QTGAL: variants seen among roughly 807,000 people sequenced by gnomAD.
QTGAL encodes the protein queuosine-tRNA galactosyltransferase.
the QTGAL span, among the ~76,000 whole-genome samples, chr17:82,997,585 A>G: frequency 6.6e-6 from 1 of 152,238 alleles, no homozygotes; most frequent in Non-Finnish European, 1.5e-5. Context: ...GCCTGCACTC[A>G]CGTATTCACT....
chr17:83,020,751 A>C, the QTGAL span, among the ~76,000 whole-genome samples: 1 of 152,194 alleles, frequency 6.6e-6, no homozygotes, highest in Non-Finnish European at 1.5e-5. Flanking sequence ...CCACGGCCGC[A>C]TGGCACTCCT....
At chr17:83,044,738 G>GT in the QTGAL span, among the ~76,000 whole-genome samples, 4 of 152,232 alleles carry the variant, frequency 2.6e-5, no homozygotes, top group Non-Finnish European at 5.9e-5. Context: ...GAGGTCAGGA[G>GT]TTTGAGACCA....
the QTGAL span, among the ~76,000 whole-genome samples, chr17:83,046,209 A>T: frequency 6.7e-6 from 1 of 148,594 alleles, no homozygotes; most frequent in Non-Finnish European, 1.5e-5. Context: ...GGCTCACTGC[A>T]ACCTCTGCCT....
the QTGAL span, chr17:83,030,949 A>C: frequency 1.3e-5 from 2 of 152,296 alleles, no homozygotes; most frequent in African/African-American, 4.8e-5. Flanking sequence ...AGAAGTAAGC[A>C]GCGCTCTCAC....
chr17:83,035,382 T>C, the QTGAL span, among the ~76,000 whole-genome samples: 1 of 152,108 alleles, frequency 6.6e-6, no homozygotes, highest in African/African-American at 2.4e-5. Context: ...TTGGTCAGGC[T>C]GGTCTCGAAC....
the QTGAL span, among the ~76,000 whole-genome samples, chr17:82,970,679 G>A: frequency 2.0e-5 from 3 of 147,836 alleles, no homozygotes; most frequent in Non-Finnish European, 3.0e-5. Flanking sequence ...CAGCGTGGCC[G>A]TGATGCGAGG....
At chr17:83,042,467 GTTAA>G in the QTGAL span, among the ~76,000 whole-genome samples, 37 of 152,312 alleles carry the variant, frequency 2.4e-4, no homozygotes, top group African/African-American at 8.7e-4. Context: ...GAAGCTAAGT[GTTAA>G]TTCAAACTAC....
At chr17:83,040,555 C>G in the QTGAL span, among the ~76,000 whole-genome samples, 1 of 152,156 alleles carries the variant, frequency 6.6e-6, no homozygotes, top group Non-Finnish European at 1.5e-5. Context: ...AAAGAAAAAT[C>G]TTAAATACTT....
the QTGAL span, among the ~76,000 whole-genome samples, chr17:83,034,672 G>A: frequency 6.6e-6 from 1 of 152,198 alleles, no homozygotes; most frequent in Non-Finnish European, 1.5e-5. Context: ...GGAGGCCACT[G>A]AATCACGGGG....
chr17:82,985,104 C>T, the QTGAL span, among the ~76,000 whole-genome samples: 2 of 152,338 alleles, frequency 1.3e-5, no homozygotes, highest in Admixed American at 6.5e-5. Flanking sequence ...CAGACAGGGG[C>T]GCTTTCAGGC....
At chr17:83,035,997 TG>T in the QTGAL span, among the ~76,000 whole-genome samples, 1 of 144,298 alleles carries the variant, frequency 6.9e-6, no homozygotes, top group Non-Finnish European at 1.5e-5. Context: ...CGTGCATCTC[TG>T]TGATGAGCTG....
the QTGAL span, chr17:83,048,871 G>T: frequency 1.9e-6 from 2 of 1,055,774 alleles, no homozygotes; most frequent in African/African-American, 1.6e-5. Context: ...TTCACCACCC[G>T]CACATATGCC....
chr17:83,001,184 C>T, the QTGAL span, among the ~76,000 whole-genome samples: 1 of 152,176 alleles, frequency 6.6e-6, no homozygotes, highest in African/African-American at 2.4e-5. Context: ...CCCATAAAGC[C>T]TCTAGCTCTA....
chr17:83,006,323 C>A, the QTGAL span: 1 of 985,482 alleles, frequency 1.0e-6, no homozygotes. The surrounding 1 kb of genome is among the most constrained non-coding windows in gnomAD (Gnocchi z 5.8). Flanking sequence ...TCTACCAATG[C>A]AGTTAATGAC....
the QTGAL span, chr17:82,945,588 G>A: frequency 1.3e-5 from 2 of 152,116 alleles, no homozygotes; most frequent in Non-Finnish European, 1.5e-5. Flanking sequence ...ACAAAATTAA[G>A]TCATTTAGAT....
At chr17:82,943,656 G>GTGTT in the QTGAL span, 2 of 152,238 alleles carry the variant, frequency 1.3e-5, no homozygotes, top group African/African-American at 2.4e-5. Context: ...TCCGTGCTGT[G>GTGTT]TGTTTAGCAG....
At chr17:82,962,484 G>A in the QTGAL span, among the ~76,000 whole-genome samples, 66 of 150,380 alleles carry the variant, frequency 4.4e-4, no homozygotes, top group Middle Eastern at 3.6e-3. Flanking sequence ...GGTGCTGGTG[G>A]ACACGGACCC....
the QTGAL span, among the ~76,000 whole-genome samples, chr17:83,026,761 CACA>C: frequency 7.8e-6 from 1 of 127,812 alleles, no homozygotes; most frequent in African/African-American, 2.9e-5. Flanking sequence ...TCGACAGACA[CACA>C]GAGGAGGGCG....
the QTGAL span, among the ~76,000 whole-genome samples, chr17:82,982,282 A>G: frequency 6.6e-6 from 1 of 152,256 alleles, no homozygotes; most frequent in Admixed American, 6.5e-5. Context: ...ATAAATCTCC[A>G]AAACATTTTC....
Sources: allele counts gnomAD v4.1 joint callset (sites outside exome capture counted in the v4.1 genomes callset), GRCh38; gene constraint gnomAD v4.1.1; non-coding constraint Gnocchi (gnomAD v3.1); transcripts MANE v1.5; gene names NCBI Gene and HGNC (gene_info 2026-07-23, HGNC 2026-07-21).